MKLN1: variants seen among roughly 807,000 people sequenced by gnomAD.
The protein encoded by MKLN1 is muskelin 1, also known as muskelin.
In MKLN1, 18 loss-of-function variants were observed where a neutral mutation model predicts 99.0. That is an observed-to-expected ratio of 0.18 (90% CI 0.13 to 0.27). The LOEUF (loss-of-function observed/expected upper bound fraction) is 0.27, where lower values mean the gene tolerates loss of function less well. MKLN1 is among the 10% of genes least tolerant of loss of function. The pLI, the probability that MKLN1 is intolerant of heterozygous loss-of-function variation, is 1.00. For missense variants in MKLN1, 621 were observed against 875.9 expected, an observed-to-expected ratio of 0.71 and a Z score of 3.67; for synonymous variants, 288 against 293.2, an observed-to-expected ratio of 0.98 and a Z score of 0.18.
rs1427412901 is a variant in MKLN1 at position 131,129,495 on chromosome 7, T to C, written c.-418-13325T>C. The stretch of plus-strand genomic sequence containing the variant: ...AAAAAGAATTATTGCATAAATTTTG[T>C]GTATTCCCATGATGAAATCTATGTA... On this transcript the variant is annotated intron_variant, in intron 1 of 7. Coordinates refer to the MKLN1 transcript ENST00000416992. Among the ~76,000 whole-genome samples, 5 of 152,240 alleles carry C rather than the reference T, an allele frequency of 3.3e-5. No individual in the cohort carries two copies. In the East Asian group the frequency reaches 7.7e-4, roughly 23 times the overall value.
chr7:131,331,976 T>C (rs13226692), intron 1 of MKLN1, among the ~76,000 whole-genome samples: 3 of 152,186 alleles, frequency 2.0e-5, no homozygotes, highest in African/African-American at 7.2e-5. Flanking sequence ...TTTACCTTTT[T>C]CCTGTTAGTC....
intron 8 of MKLN1, among the ~76,000 whole-genome samples, chr7:131,418,390 A>C (rs1204332735): frequency 2.6e-5 from 4 of 151,858 alleles, no homozygotes; most frequent in Non-Finnish European, 5.9e-5. Flanking sequence ...AAAAAAAAAA[A>C]AAGAGAGATA....
intron 6 of MKLN1, among the ~76,000 whole-genome samples, 170 bp downstream of exon 6, chr7:131,399,603 A>G (rs1563329328): frequency 1.3e-5 from 2 of 152,288 alleles, no homozygotes; most frequent in African/African-American, 2.4e-5. Context: ...TGTAAAATAG[A>G]TCCATGATGT....
At chr7:131,472,964 AAG>A (rs1469162522) in intron 16 of MKLN1, among the ~76,000 whole-genome samples, 20 of 150,724 alleles carry the variant, frequency 1.3e-4, no homozygotes, top group Non-Finnish European at 1.9e-4. Flanking sequence ...AAAAAAAAAA[AAG>A]AAAAAAAAAC....
chr7:131,189,731 C>T (rs1006407379), intron 2 of MKLN1, among the ~76,000 whole-genome samples: 1 of 152,082 alleles, frequency 6.6e-6, no homozygotes, highest in Non-Finnish European at 1.5e-5. Flanking sequence ...AGGTACATGA[C>T]AGAATTTAGA....
intron 1 of MKLN1, among the ~76,000 whole-genome samples, chr7:131,114,188 T>C (rs776089073): frequency 2.4e-4 from 36 of 152,326 alleles, no homozygotes; most frequent in Non-Finnish European, 5.0e-4. Flanking sequence ...CCATCAATGC[T>C]ATCCTTCCAT....
At chr7:131,464,663 A>C (rs916046119) in intron 14 of MKLN1, among the ~76,000 whole-genome samples, 1 of 152,200 alleles carries the variant, frequency 6.6e-6, no homozygotes, top group Non-Finnish European at 1.5e-5. Context: ...AGCTGTATAG[A>C]TCTAGATACA....
At chr7:131,256,207 G>C (rs770494398) in intron 3 of MKLN1, among the ~76,000 whole-genome samples, 2 of 152,098 alleles carry the variant, frequency 1.3e-5, no homozygotes, top group Non-Finnish European at 2.9e-5. Context: ...TTCCCAGCCT[G>C]TCTACTAGTT....
At chr7:131,144,295 T>C (rs1795784205) in intron 2 of MKLN1, among the ~76,000 whole-genome samples, 1 of 151,262 alleles carries the variant, frequency 6.6e-6, no homozygotes, top group Non-Finnish European at 1.5e-5. Flanking sequence ...GAGACCATCC[T>C]GTGAAACCCC....
intron 3 of MKLN1, among the ~76,000 whole-genome samples, chr7:131,272,425 G>A (rs1797899824): frequency 6.6e-6 from 1 of 152,168 alleles, no homozygotes; most frequent in African/African-American, 2.4e-5. Context: ...GTCCAATATT[G>A]CCAAAGAATA....
chr7:131,296,079 C>T (rs62472027), intron 3 of MKLN1, among the ~76,000 whole-genome samples: 12,260 of 151,968 alleles, frequency 0.081, 621 homozygotes, highest in East Asian at 0.18. Context: ...ACTTTTTTGG[C>T]GGTTACAATT....
chr7:131,482,926 A>G (rs1456896701), intron 17 of MKLN1, among the ~76,000 whole-genome samples: 3 of 152,224 alleles, frequency 2.0e-5, no homozygotes, highest in Non-Finnish European at 4.4e-5. Flanking sequence ...AAACTAGGTT[A>G]CAGAGAGGCT....
intron 8 of MKLN1, among the ~76,000 whole-genome samples, chr7:131,419,602 C>A (rs776962784): frequency 3.3e-5 from 5 of 152,086 alleles, no homozygotes; most frequent in Non-Finnish European, 5.9e-5. Flanking sequence ...ATGGTAAGTA[C>A]TGCTGAACCA....
chr7:131,144,768 A>G (rs1252637160), intron 2 of MKLN1, among the ~76,000 whole-genome samples: 2 of 151,992 alleles, frequency 1.3e-5, no homozygotes, highest in Non-Finnish European at 1.5e-5. Context: ...ACCTGAGATC[A>G]GGAGTTCAAG....
intron 2 of MKLN1, among the ~76,000 whole-genome samples, chr7:131,201,019 T>C (rs529545116): frequency 2.0e-5 from 3 of 152,272 alleles, no homozygotes; most frequent in African/African-American, 7.2e-5. Context: ...ATTCATGAGG[T>C]GGCCACCTCT....
intron 3 of MKLN1, among the ~76,000 whole-genome samples, chr7:131,258,221 C>T (rs1366808708): frequency 1.3e-5 from 2 of 151,664 alleles, no homozygotes; most frequent in Non-Finnish European, 2.9e-5. Flanking sequence ...TGACTGTACT[C>T]ACTGTAAATC....
chr7:131,211,782 G>T (rs1398237056), intron 3 of MKLN1, among the ~76,000 whole-genome samples: 2 of 152,050 alleles, frequency 1.3e-5, no homozygotes, highest in Admixed American at 6.6e-5. Context: ...ACTCTAGGAG[G>T]CTCATAAAAG....
At position 131,489,349 on chromosome 7, in the gene MKLN1, A is replaced by C. The variant is rs527243094; in HGVS notation, c.*1621A>C. ...TGATTTCTTAAGCAATTTGATCTGTACCTTTACTTGTGAAAGGTATGCTAT... is the reference window on the plus strand; with the variant it reads ...TGATTTCTTAAGCAATTTGATCTGTCCCTTTACTTGTGAAAGGTATGCTAT... On this transcript the variant is annotated 3_prime_UTR_variant, in exon 18 of 18. Transcript: ENST00000352689. 1 of 152,248 alleles carries C rather than the reference A, an allele frequency of 6.6e-6. No homozygotes were observed. The highest frequency in any genetic ancestry group is 1.9e-4 in the East Asian group (1 of 5,176). The allele number at this position is 152,248 out of a possible 1,614,324, so 9.4% of individuals were successfully genotyped here. A position where few individuals can be genotyped will look rare whatever the true frequency, so the allele number is the denominator to read the frequency against.
chr7:131,390,689 A>G (rs899022162), intron 4 of MKLN1, among the ~76,000 whole-genome samples: 9 of 152,118 alleles, frequency 5.9e-5, no homozygotes, highest in Admixed American at 1.3e-4. Context: ...TTTTATGGTG[A>G]GAACATTTAA....
Sources: allele counts gnomAD v4.1 joint callset (sites outside exome capture counted in the v4.1 genomes callset), GRCh38; gene constraint gnomAD v4.1.1; transcripts MANE v1.5; gene names NCBI Gene and HGNC (gene_info 2026-07-23, HGNC 2026-07-21).